The following CYLD variants were observed in gnomAD, a reference collection of about 807,000 sequenced individuals.
CYLD encodes the protein CYLD lysine 63 deubiquitinase.
CYLD carries 26 observed loss-of-function variants against 104.5 expected under a neutral mutation model. The observed-to-expected ratio is 0.25, with a 90% CI of 0.18 to 0.35. The LOEUF (loss-of-function observed/expected upper bound fraction) is 0.35, where lower values mean the gene tolerates loss of function less well. Ranked by LOEUF, CYLD falls within the 10% of genes least tolerant of loss-of-function variation. The pLI, the probability that CYLD is intolerant of heterozygous loss-of-function variation, is 1.00. For synonymous variants in CYLD, 385 were observed against 399.9 expected (o/e 0.96, Z 0.45); for missense variants, 703 against 1,136.1 (o/e 0.62, Z 5.48).
intron 2 of CYLD, among the ~76,000 whole-genome samples, chr16:50,745,613 T>C (rs984964196): frequency 6.6e-6 from 1 of 151,966 alleles, no homozygotes. Flanking sequence ...AGGAGTGCGG[T>C]AGTGCTATCA....
chr16:50,764,177 T>G (rs1446678806), intron 5 of CYLD, among the ~76,000 whole-genome samples: 4 of 152,162 alleles, frequency 2.6e-5, no homozygotes, highest in South Asian at 2.1e-4. Flanking sequence ...TAGCTGTCCT[T>G]GTCTGGTTTT....
rs1972406256 is a variant in CYLD at position 50,800,864 on chromosome 16, C to T, written c.*4356C>T. On this transcript the variant is annotated 3_prime_UTR_variant, in exon 19 of 19. Coordinates refer to ENST00000427738, the MANE Select transcript of CYLD (RefSeq NM_001378743.1). Reference sequence around the variant, plus strand: ...TTAATGAAGATAACATTTGAATTCCCCAAAGCAGGTGAGGAGTCGGGGAGG... The same window carrying T: ...TTAATGAAGATAACATTTGAATTCCTCAAAGCAGGTGAGGAGTCGGGGAGG... 4.3e-6 allele frequency: 1 copy of T among 233,138 alleles called. No individual in the cohort carries two copies. The highest frequency in any genetic ancestry group is 2.2e-5 in the African/African-American group (1 of 45,278). The allele number at this position is 233,138 out of a possible 1,614,324, so 14.4% of individuals were successfully genotyped here.
chr16:50,758,582 G>A (rs1967542366), intron 5 of CYLD, among the ~76,000 whole-genome samples: 2 of 151,274 alleles, frequency 1.3e-5, no homozygotes, highest in African/African-American at 4.8e-5. Context: ...CGTGAGAGAC[G>A]GTGGTGGCTG....
chr16:50,792,719 T>G lies in CYLD; in HGVS notation c.2350+14T>G. 2 of 1,332,318 alleles carry G rather than the reference T, an allele frequency of 1.5e-6. No individual in the cohort carries two copies. The highest frequency in any genetic ancestry group is 2.1e-6 in the Non-Finnish European group (2 of 936,476). The allele number at this position is 1,332,318 out of a possible 1,614,324, so 82.5% of individuals were successfully genotyped here. ...TACTTGAAGACAGTAAGTATGAGAT[T>G]TTTTTAGTTTGTTTTGTTGGTTTTG... On this transcript the variant is annotated intron_variant, in intron 16 of 18. Transcript: ENST00000427738.
chr16:50,749,847 T>C lies in CYLD; in HGVS notation c.149T>C (p.Ile50Thr), dbSNP rs769485126. Residue 50 changes from isoleucine to threonine, a missense_variant, in exon 3 of 19, where the codon ATT (isoleucine) becomes ACT (threonine). Ile to Thr is a moderately conservative substitution (Grantham distance 89, BLOSUM62 -1). This residue lies in a region of CYLD where 142 missense variants were observed against 165.1 expected (regional missense o/e 0.86). Coordinates refer to ENST00000427738, the MANE Select transcript of CYLD (RefSeq NM_001378743.1). ...KVPKGSIGQY[I>T]QDRSVGHSRI... ...CCGAAGGGAAGTATAGGACAGTATA[T>C]TCAAGATCGTTCTGTGGGGCATTCA... The C allele has an allele frequency of 3.1e-6, 5 of 1,614,040 alleles. No individual in the cohort carries two copies. The South Asian group carries it at 5.5e-5, about 18-fold the overall frequency.
At chr16:50,792,124 C>T (rs1971490896) in intron 15 of CYLD, among the ~76,000 whole-genome samples, 1 of 151,960 alleles carries the variant, frequency 6.6e-6, no homozygotes, top group Admixed American at 6.6e-5. Flanking sequence ...CTTTTATTGT[C>T]CAAGAATCTC....
intron 2 of CYLD, among the ~76,000 whole-genome samples, chr16:50,746,473 A>G (rs1966205947): frequency 2.0e-5 from 3 of 152,222 alleles, no homozygotes; most frequent in Admixed American, 2.0e-4. Context: ...ACTTGTTCTT[A>G]ATATATTCTT....
chr16:50,754,660 A>G (rs1330688774), intron 5 of CYLD, among the ~76,000 whole-genome samples: 4 of 143,194 alleles, frequency 2.8e-5, no homozygotes, highest in Non-Finnish European at 6.0e-5. Flanking sequence ...CCCAAAGTCC[A>G]ATGTATTATT....
At chr16:50,742,979 CATGTACTT>C in intron 2 of CYLD, 138 bp downstream of exon 2, 1 of 395,890 alleles carries the variant, frequency 2.5e-6, no homozygotes, top group Middle Eastern at 6.3e-4. Flanking sequence ...GCCGGTTATT[CATGTACTT>C]GGCATCGTTT....
chr16:50,762,031 A>G (rs1320791064), intron 5 of CYLD, among the ~76,000 whole-genome samples: 1 of 152,148 alleles, frequency 6.6e-6, no homozygotes, highest in African/African-American at 2.4e-5. Context: ...AAAAAATTGT[A>G]TATATTCATG....
intron 5 of CYLD, among the ~76,000 whole-genome samples, chr16:50,770,503 T>G (rs1969028691): frequency 6.6e-6 from 1 of 150,430 alleles, no homozygotes; most frequent in Non-Finnish European, 1.5e-5. Context: ...CAGGCTGGAG[T>G]ATAGTGGCGT....
chr16:50,774,764 A>G (rs1409385086), intron 5 of CYLD, among the ~76,000 whole-genome samples: 1 of 152,210 alleles, frequency 6.6e-6, no homozygotes, highest in Non-Finnish European at 1.5e-5. Context: ...TGTTTCTGCA[A>G]TTTTTTATTT....
intron 4 of CYLD, 27 bp from the exon 5 acceptor site, chr16:50,754,292 T>C (rs912831755): frequency 1.2e-5 from 17 of 1,409,436 alleles, no homozygotes; most frequent in Non-Finnish European, 1.7e-5. Flanking sequence ...TTGAGGAGGA[T>C]TTTAATGTTT....
chr16:50,747,289 T>G (rs1285474095), intron 2 of CYLD, among the ~76,000 whole-genome samples: 1 of 152,144 alleles, frequency 6.6e-6, no homozygotes. Flanking sequence ...CAGAACTGAT[T>G]CGAAGCGATA....
rs1972200459 is a variant in CYLD at position 50,798,212 on chromosome 16, C to T, written c.*1704C>T. On this transcript the variant is annotated 3_prime_UTR_variant, in exon 19 of 19. Coordinates refer to ENST00000427738, the MANE Select transcript of CYLD (RefSeq NM_001378743.1). ...TGTCAATGTGATTTTAAAAAATTGA[C>T]TACCTGGAGGAATGATTAGGAATCT... is the stretch of plus-strand genomic sequence containing the variant. The T allele has an allele frequency of 4.3e-6, 1 of 232,088 alleles. No homozygotes were observed. Among genetic ancestry groups the T allele is most frequent in the African/African-American group, 2.2e-5 (1 of 45,268 alleles). 14.4% of individuals were successfully genotyped at this position (232,088 alleles called of 1,614,324 possible).
intron 5 of CYLD, among the ~76,000 whole-genome samples, chr16:50,761,230 C>A (rs969442881): frequency 6.6e-6 from 1 of 152,082 alleles, no homozygotes; most frequent in Admixed American, 6.5e-5. Context: ...CCTCATTTGT[C>A]ATTTGTCTTT....
In CYLD at chr16:50,798,201, T is replaced by TA. The variant is rs1972199715; in HGVS notation, c.*1699dup. 3 of 232,090 alleles carry TA rather than the reference T, an allele frequency of 1.3e-5. No individual in the cohort carries two copies. In the Admixed American group the frequency reaches 1.7e-4, roughly 13 times the overall value. The allele number at this position is 232,090 out of a possible 1,614,324, so 14.4% of individuals were successfully genotyped here. Reference sequence around the variant, plus strand: ...GTGAATGAGCTTGTCAATGTGATTTTAAAAAATTGACTACCTGGAGGAATG... The same window carrying TA: ...GTGAATGAGCTTGTCAATGTGATTTTAAAAAAATTGACTACCTGGAGGAATG... On this transcript the variant is annotated 3_prime_UTR_variant, in exon 19 of 19. Coordinates refer to ENST00000427738, the MANE Select transcript of CYLD (RefSeq NM_001378743.1).
At chr16:50,790,557 C>A (rs1971330516) in intron 14 of CYLD, among the ~76,000 whole-genome samples, 2 of 151,958 alleles carry the variant, frequency 1.3e-5, no homozygotes, top group Non-Finnish European at 2.9e-5. Context: ...ATTGGTATAT[C>A]ATAGCCTTCA....
rs1965824279 is a variant in CYLD, at chr16:50,742,811, C to T, written c.-154C>T. On this transcript the variant is annotated 5_prime_UTR_variant, in exon 2 of 19. Transcript: ENST00000427738. Reference sequence around the variant, plus strand: ...GGTTCTACACAGCCACCCGGAGTTCCTTAGTTGAAAGGTGCGCCCTGCTGT... The same window carrying T: ...GGTTCTACACAGCCACCCGGAGTTCTTTAGTTGAAAGGTGCGCCCTGCTGT... The T allele has an allele frequency of 2.6e-6, 1 of 389,860 alleles. No homozygotes were observed. Among genetic ancestry groups the T allele is most frequent in the East Asian group, 3.6e-5 (1 of 27,794 alleles). 24.2% of individuals were successfully genotyped at this position (389,860 alleles called of 1,614,324 possible).
Sources: gnomAD v4.1 joint callset for allele counts (sites outside exome capture counted in the v4.1 genomes callset) on GRCh38, gnomAD v4.1.1 for gene constraint, gnomAD v4.1.1 regional missense constraint, MANE v1.5 for transcripts, NCBI Gene and HGNC (gene_info 2026-07-23, HGNC 2026-07-21) for gene names.